LRRC7: variants seen among roughly 807,000 people sequenced by gnomAD.
The protein encoded by LRRC7 is leucine rich repeat containing 7, also known as leucine-rich repeat-containing protein 7.
A neutral mutation model predicts 175.7 loss-of-function variants in LRRC7; 23 were observed. The ratio of observed to expected loss-of-function variants is 0.13; its 90% CI spans 0.09 to 0.19. LRRC7 has a LOEUF of 0.19. LRRC7 is among the 10% of genes least tolerant of loss of function. The pLI, the probability that LRRC7 is intolerant of heterozygous loss-of-function variation, is 1.00. For synonymous variants in LRRC7, 685 were observed against 680.9 expected (o/e 1.01, Z -0.09); for missense variants, 1,354 against 1,904.7 (o/e 0.71, Z 5.38).
chr1:69,974,368 AG>A (rs1402740905), intron 8 of LRRC7, among the ~76,000 whole-genome samples: 17 of 152,194 alleles, frequency 1.1e-4, no homozygotes, highest in African/African-American at 4.1e-4. Context: ...GCTTAGAAGT[AG>A]ATAAGAAAGT....
In LRRC7 at chr1:70,138,089, G is replaced by C. The variant is rs1666936945; in HGVS notation, c.*16202G>C. On this transcript the variant is annotated 3_prime_UTR_variant, in exon 27 of 27. Transcript: ENST00000651989. ...AAATTAGCTGCCATTTTGTGATGAA[G>C]TGTTTGGTTTTTCCTTGTAGAAACT... is the stretch of plus-strand genomic sequence containing the variant. 1 of 152,200 alleles carries C rather than the reference G, an allele frequency of 6.6e-6. No individual in the cohort carries two copies. The highest frequency in any genetic ancestry group is 1.5e-5 in the Non-Finnish European group (1 of 68,032). The allele number at this position is 152,200 out of a possible 1,614,324, so 9.4% of individuals were successfully genotyped here.
At chr1:70,052,884 A>T in intron 22 of LRRC7, 142 bp from the exon 23 acceptor site, 2 of 734,918 alleles carry the variant, frequency 2.7e-6, no homozygotes, top group South Asian at 3.4e-5. Context: ...AGTAAATAGT[A>T]TATAATATTT....
chr1:69,582,362 C>G (rs1444118545), intron 1 of LRRC7, among the ~76,000 whole-genome samples: 2 of 152,154 alleles, frequency 1.3e-5, no homozygotes, highest in Non-Finnish European at 2.9e-5. Context: ...AGCAGCAGCT[C>G]CACTCAGCTC....
At chr1:70,062,237 T>A (rs1661634247) in intron 23 of LRRC7, among the ~76,000 whole-genome samples, 1 of 152,122 alleles carries the variant, frequency 6.6e-6, no homozygotes, top group South Asian at 2.1e-4. Flanking sequence ...TAGTTATTGC[T>A]CTGGAACAGA....
chr1:69,923,954 T>C (rs1373474893), intron 7 of LRRC7, among the ~76,000 whole-genome samples: 14 of 151,762 alleles, frequency 9.2e-5, no homozygotes, highest in Admixed American at 7.2e-4. Flanking sequence ...TTTAAGTCTT[T>C]AATCCATCTT....
intron 4 of LRRC7, among the ~76,000 whole-genome samples, chr1:69,812,222 G>A (rs1570074788): frequency 6.6e-6 from 1 of 152,062 alleles, no homozygotes. Context: ...ATGCTGCATC[G>A]CCAGTCTTGT....
chr1:69,643,587 T>C (rs1654560272), intron 1 of LRRC7, among the ~76,000 whole-genome samples: 2 of 152,154 alleles, frequency 1.3e-5, no homozygotes, highest in South Asian at 4.1e-4. Flanking sequence ...CAATATGTCT[T>C]ATTAACCATA....
At chr1:69,789,678 T>A (rs1674886029) in intron 3 of LRRC7, among the ~76,000 whole-genome samples, 1 of 152,098 alleles carries the variant, frequency 6.6e-6, no homozygotes, top group Non-Finnish European at 1.5e-5. Flanking sequence ...TATTTCCCTT[T>A]TAATTAGCTA....
intron 26 of LRRC7, among the ~76,000 whole-genome samples, chr1:70,113,418 C>T (rs1665647453): frequency 6.6e-6 from 1 of 152,124 alleles, no homozygotes; most frequent in South Asian, 2.1e-4. Context: ...GAATTTATAT[C>T]ATACCTGGGA....
At chr1:70,045,891 A>G (rs1660290825) in intron 22 of LRRC7, among the ~76,000 whole-genome samples, 1 of 152,148 alleles carries the variant, frequency 6.6e-6, no homozygotes, top group African/African-American at 2.4e-5. Flanking sequence ...CCATGAGAAC[A>G]GTATGGAGGA....
chr1:69,808,099 T>C (rs1677352173), intron 4 of LRRC7, among the ~76,000 whole-genome samples: 1 of 151,668 alleles, frequency 6.6e-6, no homozygotes, highest in Non-Finnish European at 1.5e-5. Context: ...CAGCTATTGA[T>C]ACTTGTGTAT....
At chr1:69,859,102 T>G (rs886582921) in intron 7 of LRRC7, among the ~76,000 whole-genome samples, 3 of 152,052 alleles carry the variant, frequency 2.0e-5, no homozygotes, top group East Asian at 1.9e-4. Context: ...CAGAAATAAA[T>G]TCCCCTACCG....
intron 8 of LRRC7, among the ~76,000 whole-genome samples, chr1:69,964,933 C>T (rs1651510655): frequency 1.3e-5 from 2 of 152,124 alleles, no homozygotes; most frequent in African/African-American, 4.8e-5. Flanking sequence ...TTATACCTGG[C>T]CATCTAGATG....
chr1:70,004,376 C>A (rs17506335), intron 11 of LRRC7, among the ~76,000 whole-genome samples: 5 of 152,054 alleles, frequency 3.3e-5, no homozygotes, highest in African/African-American at 1.2e-4. Context: ...AAACTTGATT[C>A]CTAGCCTAAA....
At chr1:69,570,212 C>T (rs999001180) in intron 1 of LRRC7, among the ~76,000 whole-genome samples, 2 of 152,060 alleles carry the variant, frequency 1.3e-5, no homozygotes, top group African/African-American at 4.8e-5. Context: ...GTGATCCCTC[C>T]AACGGGTGAG....
chr1:69,842,634 G>A (rs1298788671), intron 7 of LRRC7, among the ~76,000 whole-genome samples: 1 of 152,088 alleles, frequency 6.6e-6, no homozygotes, highest in Non-Finnish European at 1.5e-5. Context: ...TCAAAATTGG[G>A]AAAGTGGATG....
intron 7 of LRRC7, among the ~76,000 whole-genome samples, chr1:69,899,512 G>A (rs1015759203): frequency 6.6e-6 from 1 of 152,122 alleles, no homozygotes; most frequent in Non-Finnish European, 1.5e-5. Flanking sequence ...CAGCAAATTG[G>A]GTCAGATAGT....
intron 2 of LRRC7, among the ~76,000 whole-genome samples, chr1:69,759,420 G>A (rs957572279): frequency 2.6e-5 from 4 of 151,894 alleles, no homozygotes; most frequent in Admixed American, 6.6e-5. Flanking sequence ...AAAAGTCTTC[G>A]CAAAATTTCA....
chr1:69,713,331 T>G (rs1447254924), intron 2 of LRRC7, among the ~76,000 whole-genome samples: 2 of 149,220 alleles, frequency 1.3e-5, no homozygotes, highest in Non-Finnish European at 3.0e-5. Flanking sequence ...CAAAAAAAAA[T>G]GTATATATAT....
Sources: allele counts gnomAD v4.1 joint callset (sites outside exome capture counted in the v4.1 genomes callset), GRCh38; gene constraint gnomAD v4.1.1; transcripts MANE v1.5; gene names NCBI Gene and HGNC (gene_info 2026-07-23, HGNC 2026-07-21).